The following RIMS2 variants were observed in gnomAD, a reference collection of about 807,000 sequenced individuals.
The protein encoded by RIMS2 is regulating synaptic membrane exocytosis 2.
A neutral mutation model predicts 174.4 loss-of-function variants in RIMS2; 59 were observed. The ratio of observed to expected loss-of-function variants is 0.34; its 90% CI spans 0.27 to 0.42. The LOEUF is 0.42. RIMS2 is among the 10% of genes least tolerant of loss of function. The pLI is 1.00. For synonymous variants in RIMS2, 606 were observed against 572.5 expected, an observed-to-expected ratio of 1.06 and a Z score of -0.84; for missense variants, 1,620 against 1,666.3, an observed-to-expected ratio of 0.97 and a Z score of 0.48.
chr8:104,200,017 T>A (rs1408829089), intron 19 of RIMS2, among the ~76,000 whole-genome samples: 1 of 152,142 alleles, frequency 6.6e-6, no homozygotes, highest in East Asian at 1.9e-4. Flanking sequence ...CCTGTCATGA[T>A]TCTGAAGGTC....
chr8:103,946,098 C>A (rs1160821504), intron 14 of RIMS2, among the ~76,000 whole-genome samples: 5 of 152,146 alleles, frequency 3.3e-5, no homozygotes, highest in African/African-American at 1.2e-4. Context: ...AAAGAACCCA[C>A]ACAAAAACTA....
chr8:103,797,450 TCA>T (rs2098557474), intron 3 of RIMS2, among the ~76,000 whole-genome samples: 1 of 152,178 alleles, frequency 6.6e-6, no homozygotes, highest in East Asian at 1.9e-4. Flanking sequence ...TTGAACTAAA[TCA>T]CTGAAAAAGT....
At chr8:104,052,505 T>G (rs1381609072) in intron 19 of RIMS2, among the ~76,000 whole-genome samples, 1 of 152,022 alleles carries the variant, frequency 6.6e-6, no homozygotes, top group Non-Finnish European at 1.5e-5. Context: ...AAGAAGGGAC[T>G]AAAGCTTTGA....
chr8:103,929,569 A>G (rs576906833), intron 11 of RIMS2, among the ~76,000 whole-genome samples: 1 of 151,096 alleles, frequency 6.6e-6, no homozygotes, highest in South Asian at 2.1e-4. Context: ...AAAGCTTTTT[A>G]ATGTCTCAGA....
At chr8:103,946,786 G>C (rs1429747837) in intron 14 of RIMS2, among the ~76,000 whole-genome samples, 1 of 152,090 alleles carries the variant, frequency 6.6e-6, no homozygotes, top group African/African-American at 2.4e-5. Flanking sequence ...ATATGCAAAA[G>C]TATAAGATCC....
intron 19 of RIMS2, among the ~76,000 whole-genome samples, chr8:104,227,527 A>G (rs1008393580): frequency 6.6e-6 from 1 of 152,188 alleles, no homozygotes; most frequent in Non-Finnish European, 1.5e-5. Flanking sequence ...ATTCTTAATA[A>G]GAGAAGCAGC....
chr8:103,717,599 A>T (rs1036283935), intron 2 of RIMS2, among the ~76,000 whole-genome samples: 2 of 152,210 alleles, frequency 1.3e-5, no homozygotes, highest in African/African-American at 4.8e-5. Flanking sequence ...ATGAATTCTG[A>T]TACCCATCCC....
chr8:103,692,330 A>G (rs2097038919), intron 1 of RIMS2, among the ~76,000 whole-genome samples: 1 of 152,300 alleles, frequency 6.6e-6, no homozygotes, highest in East Asian at 1.9e-4. Flanking sequence ...AAGCTCAGAA[A>G]TGGTATTTCA....
chr8:104,144,582 A>G (rs2098614314), intron 19 of RIMS2, among the ~76,000 whole-genome samples: 1 of 152,176 alleles, frequency 6.6e-6, no homozygotes, highest in Non-Finnish European at 1.5e-5. Context: ...AAAAAGATAA[A>G]CTTTTTTTAA....
intron 19 of RIMS2, among the ~76,000 whole-genome samples, chr8:104,080,085 T>A (rs2097384529): frequency 6.6e-6 from 1 of 152,044 alleles, no homozygotes; most frequent in African/African-American, 2.4e-5. Context: ...ATAATAATAG[T>A]GGAAAGAATA....
intron 1 of RIMS2, among the ~76,000 whole-genome samples, chr8:103,646,568 G>A (rs2096337695): frequency 6.6e-6 from 1 of 152,078 alleles, no homozygotes; most frequent in Admixed American, 6.6e-5. Context: ...ACAGGCCTCA[G>A]TGTTTGTTGT....
chr8:103,860,010 C>T (rs143788149), intron 3 of RIMS2, among the ~76,000 whole-genome samples: 146 of 152,118 alleles, frequency 9.6e-4, no homozygotes, highest in African/African-American at 3.2e-3. Context: ...AATATCATGT[C>T]ACAAGACTCC....
At chr8:103,875,352 A>AAC (rs1258318957) in intron 3 of RIMS2, among the ~76,000 whole-genome samples, 1 of 152,034 alleles carries the variant, frequency 6.6e-6, no homozygotes, top group East Asian at 1.9e-4. Context: ...TATGAGTAAG[A>AAC]ACATACAATA....
chr8:103,643,147 T>A (rs1361402006), intron 1 of RIMS2, among the ~76,000 whole-genome samples: 1 of 151,876 alleles, frequency 6.6e-6, no homozygotes, highest in Non-Finnish European at 1.5e-5. Context: ...ATTGACATAT[T>A]TTCAAGCTCA....
chr8:104,205,859 G>T (rs567400659), intron 19 of RIMS2, among the ~76,000 whole-genome samples: 65 of 151,652 alleles, frequency 4.3e-4, no homozygotes, highest in African/African-American at 1.4e-3. Flanking sequence ...GGCTTCAAGC[G>T]ATTCTCCTGC....
intron 19 of RIMS2, among the ~76,000 whole-genome samples, chr8:104,204,620 G>A (rs1397836005): frequency 6.6e-6 from 1 of 151,906 alleles, no homozygotes; most frequent in East Asian, 1.9e-4. Flanking sequence ...TCAACCTCTA[G>A]AGCACCTGAT....
intron 3 of RIMS2, among the ~76,000 whole-genome samples, chr8:103,840,525 G>A (rs1593536061): frequency 6.6e-6 from 1 of 152,132 alleles, no homozygotes; most frequent in East Asian, 1.9e-4. Flanking sequence ...GATTGTTGGG[G>A]TTGTTTCCCT....
chr8:103,764,761 T>C (rs951528629), intron 2 of RIMS2, among the ~76,000 whole-genome samples: 2 of 152,092 alleles, frequency 1.3e-5, no homozygotes, highest in Non-Finnish European at 1.5e-5. Context: ...TTACCATATT[T>C]CCCCCAGAAG....
At chr8:103,823,974 A>G (rs1258210392) in intron 3 of RIMS2, among the ~76,000 whole-genome samples, 2 of 152,064 alleles carry the variant, frequency 1.3e-5, no homozygotes, top group African/African-American at 2.4e-5. Context: ...TTTTATAACT[A>G]TAACATTATT....
Sources: allele counts gnomAD v4.1 joint callset (sites outside exome capture counted in the v4.1 genomes callset), GRCh38; gene constraint gnomAD v4.1.1; transcripts MANE v1.5; gene names NCBI Gene and HGNC (gene_info 2026-07-23, HGNC 2026-07-21).